The following SORCS2 variants were observed in gnomAD, a reference collection of about 807,000 sequenced individuals.
SORCS2 encodes sortilin related VPS10 domain containing receptor 2.
A neutral mutation model predicts 141.6 loss-of-function variants in SORCS2; 100 were observed. That is an observed-to-expected ratio of 0.71 (90% CI 0.60 to 0.83). The LOEUF is 0.83. Among genes scored for constraint, SORCS2 ranks in the 40% least tolerant of loss-of-function variants. The pLI is 0.00. For missense variants in SORCS2, 1,646 were observed against 1,560.2 expected, an observed-to-expected ratio of 1.05 and a Z score of -0.93; for synonymous variants, 789 against 676.9, an observed-to-expected ratio of 1.17 and a Z score of -2.57.
chr4:7,675,999 G>C, intron 8 of SORCS2, 51 bp from the exon 9 acceptor site: 1 of 1,541,010 alleles, frequency 6.5e-7, no homozygotes, highest in Non-Finnish European at 8.8e-7. Context: ...TTCCTCCCTC[G>C]TGCAGCCCCC....
intron 1 of SORCS2, among the ~76,000 whole-genome samples, chr4:7,225,164 T>C (rs951511866): frequency 5.3e-5 from 8 of 152,218 alleles, no homozygotes. Context: ...CCCCTACCCG[T>C]GCTGTGCTGC....
At chr4:7,536,832 T>TGG (rs367859799) in intron 3 of SORCS2, among the ~76,000 whole-genome samples, 9 of 6,126 alleles carry the variant, frequency 1.5e-3, no homozygotes, top group Non-Finnish European at 3.4e-3. Flanking sequence ...TACTCAGATG[T>TGG]GGGGGGGGGG....
chr4:7,478,124 G>A (rs1730413456), intron 2 of SORCS2, among the ~76,000 whole-genome samples: 3 of 152,338 alleles, frequency 2.0e-5, no homozygotes, highest in Middle Eastern at 3.4e-3. Flanking sequence ...AGAGGCTGGG[G>A]TCCCGCAGCA....
intron 3 of SORCS2, among the ~76,000 whole-genome samples, chr4:7,631,685 G>C (rs778194680): frequency 6.6e-6 from 1 of 152,050 alleles, no homozygotes; most frequent in Non-Finnish European, 1.5e-5. Context: ...CTCCTATCCC[G>C]GGGGGTCCAC....
At chr4:7,508,487 A>C (rs1240270367) in intron 2 of SORCS2, among the ~76,000 whole-genome samples, 2 of 150,852 alleles carry the variant, frequency 1.3e-5, no homozygotes, top group African/African-American at 4.9e-5. Flanking sequence ...AGTAGCTGGG[A>C]CTACTGGCAT....
At position 7,728,403 on chromosome 4, in the gene SORCS2, C is replaced by T. The variant is rs1238586893; in HGVS notation, c.2923C>T (p.Pro975Ser). The part of the protein sequence containing the change: ...QFSKELDAYN[P>S]NTPEWREDVG... ...TTCCAAGGAGCTGGATGCCTACAAC[C>T]CCAACACCCCTGAGTGGAGGGAAGA... Residue 975 changes from proline to serine, a missense_variant, in exon 22 of 27, where the codon CCC becomes TCC. Transcript: ENST00000507866. The T allele has an allele frequency of 6.2e-7, 1 of 1,613,732 alleles. No homozygotes were observed. Among genetic ancestry groups the T allele is most frequent in the Non-Finnish European group, 8.5e-7 (1 of 1,179,856 alleles).
chr4:7,356,421 G>A (rs1721256225), intron 1 of SORCS2, among the ~76,000 whole-genome samples: 1 of 152,158 alleles, frequency 6.6e-6, no homozygotes, highest in Non-Finnish European at 1.5e-5. Flanking sequence ...TCTTTTCCTG[G>A]CTTGCCGATG....
intron 11 of SORCS2, among the ~76,000 whole-genome samples, chr4:7,695,680 A>G (rs373988066): frequency 0.31 from 196 of 624 alleles, 79 homozygotes; most frequent in African/African-American, 0.38. Context: ...GGATGGATGG[A>G]TGGATGGGTG....
At chr4:7,386,733 A>G (rs1723369986) in intron 1 of SORCS2, among the ~76,000 whole-genome samples, 1 of 113,808 alleles carries the variant, frequency 8.8e-6, no homozygotes, top group African/African-American at 3.6e-5. Flanking sequence ...ATACATACAC[A>G]TATGCACACA....
intron 1 of SORCS2, among the ~76,000 whole-genome samples, chr4:7,375,866 CT>C (rs1487789418): frequency 6.6e-6 from 1 of 152,148 alleles, no homozygotes; most frequent in Admixed American, 6.5e-5. Context: ...ATTCAAGTCA[CT>C]TTCCCTACCA....
intron 3 of SORCS2, among the ~76,000 whole-genome samples, chr4:7,535,165 T>A (rs1318625733): frequency 6.6e-6 from 1 of 152,170 alleles, no homozygotes; most frequent in East Asian, 1.9e-4. Flanking sequence ...GCCCACCTCC[T>A]CACCACAGGA....
chr4:7,507,236 G>A (rs1220412380), intron 2 of SORCS2, among the ~76,000 whole-genome samples: 8 of 152,050 alleles, frequency 5.3e-5, no homozygotes, highest in African/African-American at 1.2e-4. Context: ...GTGCAGTGGC[G>A]TGATCTCAGT....
intron 2 of SORCS2, among the ~76,000 whole-genome samples, chr4:7,415,902 G>A (rs1725634037): frequency 6.6e-6 from 1 of 152,238 alleles, no homozygotes; most frequent in Non-Finnish European, 1.5e-5. Context: ...GCAGAAGAGG[G>A]CAATTGGGCA....
At chr4:7,453,119 G>C (rs1053083840) in intron 2 of SORCS2, among the ~76,000 whole-genome samples, 1 of 134,744 alleles carries the variant, frequency 7.4e-6, no homozygotes, top group African/African-American at 2.8e-5. Flanking sequence ...GGGTTCAGGA[G>C]CTGTGTGTTG....
intron 12 of SORCS2, among the ~76,000 whole-genome samples, chr4:7,697,807 T>G (rs1724808095): frequency 6.7e-6 from 1 of 149,906 alleles, no homozygotes; most frequent in African/African-American, 2.5e-5. Context: ...TGGGTTGGGG[T>G]GTCTGGGGGC....
chr4:7,576,909 A>C (rs1268882559), intron 3 of SORCS2, among the ~76,000 whole-genome samples: 1 of 152,184 alleles, frequency 6.6e-6, no homozygotes, highest in African/African-American at 2.4e-5. Flanking sequence ...ACCATCTGGA[A>C]ATGGGGCCGG....
intron 1 of SORCS2, among the ~76,000 whole-genome samples, chr4:7,317,282 G>A (rs1026620990): frequency 1.3e-5 from 2 of 152,218 alleles, no homozygotes; most frequent in Non-Finnish European, 1.5e-5. Context: ...TGGGGGCATG[G>A]AGGGGGCTGT....
intron 1 of SORCS2, among the ~76,000 whole-genome samples, chr4:7,216,949 G>GTGGTT (rs1577286830): frequency 6.6e-6 from 1 of 152,108 alleles, no homozygotes; most frequent in East Asian, 1.9e-4. Flanking sequence ...GCACTGCGTG[G>GTGGTT]CGGTTCCCGT....
intron 2 of SORCS2, among the ~76,000 whole-genome samples, chr4:7,477,119 G>A (rs1398125245): frequency 1.3e-5 from 2 of 152,256 alleles, no homozygotes; most frequent in Non-Finnish European, 2.9e-5. Context: ...CACCTGGGCC[G>A]TGGGGAGGGG....
Sources: allele counts gnomAD v4.1 joint callset (sites outside exome capture counted in the v4.1 genomes callset), GRCh38; gene constraint gnomAD v4.1.1; transcripts MANE v1.5; gene names NCBI Gene and HGNC (gene_info 2026-07-23, HGNC 2026-07-21).